Variants in CPEB1 observed in about 807,000 individuals in gnomAD.
CPEB1 encodes cytoplasmic polyadenylation element-binding protein 1.
In CPEB1, 7 loss-of-function variants were observed where a neutral mutation model predicts 65.8. That is an observed-to-expected ratio of 0.11 (90% CI 0.06 to 0.20). CPEB1 has a LOEUF of 0.20. Ranked by LOEUF, CPEB1 falls within the 10% of genes least tolerant of loss-of-function variation. The probability of loss-of-function intolerance (pLI) is 1.00; values close to 1 mark genes in which losing one functional copy is unlikely to be tolerated. For missense variants in CPEB1, 551 were observed against 712.2 expected (o/e 0.77, Z 2.58); for synonymous variants, 262 against 260.0 (o/e 1.01, Z -0.08).
chr15:82,634,061 G>T (rs1449498200), intron 1 of CPEB1, among the ~76,000 whole-genome samples: 1 of 152,028 alleles, frequency 6.6e-6, no homozygotes, highest in Admixed American at 6.5e-5. Context: ...ACTTTTAGTG[G>T]CAGATGTCCA....
intron 3 of CPEB1, among the ~76,000 whole-genome samples, chr15:82,595,309 C>T (rs557610146): frequency 1.3e-5 from 2 of 152,324 alleles, no homozygotes; most frequent in African/African-American, 4.8e-5. Flanking sequence ...TATGAACATT[C>T]GTTTTCATTT....
chr15:82,636,693 C>T (rs887887495), intron 1 of CPEB1, among the ~76,000 whole-genome samples: 3 of 152,136 alleles, frequency 2.0e-5, no homozygotes, highest in South Asian at 2.1e-4. Flanking sequence ...CTATAAAGGT[C>T]CCTCACAACC....
chr15:82,551,264 A>G lies in CPEB1; in HGVS notation c.1281+1216T>C, dbSNP rs147949584. ...AGGCATTTCTCCTCTTACCCTATAG[A>G]TTTTTTTAGAGAAGCTTTAAGGTTT... On this transcript the variant is annotated intron_variant, in intron 9 of 12. Transcript: ENST00000684509. Among the ~76,000 whole-genome samples, 267 of 152,204 alleles carry G rather than the reference A, an allele frequency of 1.8e-3. 2 individuals carry two copies. Among genetic ancestry groups the G allele is most frequent in the Non-Finnish European group, 2.5e-3 (171 of 68,002 alleles).
intron 2 of CPEB1, among the ~76,000 whole-genome samples, chr15:82,627,966 A>T (rs942660360): frequency 6.6e-6 from 1 of 152,166 alleles, no homozygotes; most frequent in Non-Finnish European, 1.5e-5. Flanking sequence ...GAATTCAACA[A>T]CAAAGAGGTA....
rs72751642 is a variant in CPEB1 at position 82,557,447 on chromosome 15, C to G, written c.687+313G>C. On this transcript the variant is annotated intron_variant, in intron 5 of 12. Transcript: ENST00000684509. ...AAAGCACCCCGTGTAGGTAAAGAAA[C>G]AGAACACTGCCAGGGCCCTCACGTT... The G allele has an allele frequency of 8.0e-3, 2,599 of 326,662 alleles. 24 individuals are homozygous for G. The highest frequency in any genetic ancestry group is 8.3e-3 in the Non-Finnish European group (1,502 of 180,648). The allele number at this position is 326,662 out of a possible 1,614,324, so 20.2% of individuals were successfully genotyped here.
chr15:82,557,601 C>G (rs2037449019), intron 5 of CPEB1, 159 bp downstream of exon 5: 4 of 632,430 alleles, frequency 6.3e-6, no homozygotes, highest in Non-Finnish European at 5.5e-6. Flanking sequence ...AGGATGAGAA[C>G]TCTACAAATG....
In CPEB1 at chr15:82,636,211, CTTTA is replaced by C. The variant is rs1289580816; in HGVS notation, c.-97-7659_-97-7656del. 5.3e-5 allele frequency among the ~76,000 whole-genome samples: 8 copies of C among 152,274 alleles called. No homozygotes were observed. In the East Asian group the frequency reaches 7.7e-4, roughly 15 times the overall value. On this transcript the variant is annotated intron_variant, in intron 1 of 12. Transcript: ENST00000684509. ...ATCAACCTTCTTGAAAATATATGAT[CTTTA>C]TTTAACTTCCTGTTCATCCTCTCAA...
chr15:82,554,086 T>C, intron 6 of CPEB1, 95 bp from the exon 7 acceptor site: 2 of 687,512 alleles, frequency 2.9e-6, no homozygotes, highest in African/African-American at 1.8e-5. Context: ...AGAACCTGAC[T>C]GGCCACAATC....
intron 1 of CPEB1, among the ~76,000 whole-genome samples, chr15:82,632,721 G>A (rs1030769858): frequency 2.6e-5 from 4 of 151,536 alleles, no homozygotes; most frequent in African/African-American, 9.7e-5. Context: ...CAGAGAAAAG[G>A]TCTCGCTATG....
intron 3 of CPEB1, among the ~76,000 whole-genome samples, chr15:82,587,338 C>T (rs2041883820): frequency 6.6e-6 from 1 of 152,186 alleles, no homozygotes; most frequent in Non-Finnish European, 1.5e-5. Flanking sequence ...AAGAATCTCT[C>T]TAAATACTCA....
chr15:82,572,596 G>T lies in CPEB1; in HGVS notation c.272-1064C>A, dbSNP rs546827943. 4.1e-4 allele frequency among the ~76,000 whole-genome samples: 63 copies of T among 152,272 alleles called. 1 individual carries two copies. Among genetic ancestry groups the T allele is most frequent in the Middle Eastern group, 6.8e-3 (2 of 294 alleles). On this transcript the variant is annotated intron_variant, in intron 3 of 12. Coordinates refer to ENST00000684509, the MANE Select transcript of CPEB1 (RefSeq NM_001365242.1). Reference sequence around the variant, plus strand: ...TCCTGCAACTGTAGGCACAGACTGAGGAAACACTCTCGAAGCAGCATCTGA... The same window carrying T: ...TCCTGCAACTGTAGGCACAGACTGATGAAACACTCTCGAAGCAGCATCTGA...
intron 3 of CPEB1, among the ~76,000 whole-genome samples, chr15:82,578,440 A>G (rs2040895866): frequency 6.6e-6 from 1 of 152,178 alleles, no homozygotes. Flanking sequence ...GCACAAACCT[A>G]TGGAAACAAA....
At chr15:82,585,913 T>C (rs909481295) in intron 3 of CPEB1, among the ~76,000 whole-genome samples, 2 of 151,560 alleles carry the variant, frequency 1.3e-5, no homozygotes, top group African/African-American at 4.9e-5. Flanking sequence ...CACTACTTAA[T>C]AAATGAGAAT....
Position 82,584,258 on chromosome 15 carries a change from C to CAAA in CPEB1, c.272-12729_272-12727dup, listed in dbSNP as rs71156038. 5.7e-3 allele frequency among the ~76,000 whole-genome samples: 303 copies of CAAA among 53,244 alleles called. 9 individuals are homozygous for CAAA. Among genetic ancestry groups the CAAA allele is most frequent in the Middle Eastern group, 0.023 (1 of 44 alleles). The allele number at this position is 53,244 out of a possible 152,430, so 34.9% of individuals were successfully genotyped here. ...TGGGTGACACAGCGAGACTCCGTCT[C>CAAA]AAAAAAAAAAAAAAAAAAAAAAAAA... On this transcript the variant is annotated intron_variant, in intron 3 of 12. Transcript: ENST00000684509.
upstream of CPEB1, chr15:82,647,872 G>A (rs902645099): frequency 2.4e-6 from 3 of 1,263,148 alleles, no homozygotes; most frequent in Non-Finnish European, 3.0e-6. Flanking sequence ...GAACGCCATG[G>A]GGCCGGTGTG....
At chr15:82,590,714 CTTT>C (rs888319492) in intron 3 of CPEB1, among the ~76,000 whole-genome samples, 7 of 152,240 alleles carry the variant, frequency 4.6e-5, no homozygotes, top group African/African-American at 1.4e-4. Flanking sequence ...TTGTTCCCTT[CTTT>C]GTGTCCATAT....
rs914154016 is a variant in CPEB1 at position 82,571,840 on chromosome 15, A to C, written c.272-308T>G. ...CAGCCGGCTGAGCCGTGCAATAGAG[A>C]GCGGCATCATCCCTCACAGAACGGG... On this transcript the variant is annotated intron_variant, in intron 3 of 12. Transcript: ENST00000684509. 3 of 1,143,876 alleles carry C rather than the reference A, an allele frequency of 2.6e-6. No individual in the cohort carries two copies. In the African/African-American group the frequency reaches 4.8e-5, roughly 18 times the overall value. 70.9% of individuals were successfully genotyped at this position (1,143,876 alleles called of 1,614,324 possible).
intron 8 of CPEB1, 135 bp from the exon 9 acceptor site, chr15:82,552,751 A>G (rs955713226): frequency 4.3e-6 from 4 of 937,606 alleles, no homozygotes; most frequent in African/African-American, 1.7e-5. Flanking sequence ...ACTCCTGAAA[A>G]GTCGTGTTGA....
chr15:82,600,791 T>C (rs775185595), intron 3 of CPEB1, among the ~76,000 whole-genome samples: 8 of 151,754 alleles, frequency 5.3e-5, no homozygotes, highest in East Asian at 1.9e-4. Flanking sequence ...GTAAAGATGA[T>C]AGGTTTAAGC....
Sources: allele counts gnomAD v4.1 joint callset (sites outside exome capture counted in the v4.1 genomes callset), GRCh38; gene constraint gnomAD v4.1.1; transcripts MANE v1.5; gene names NCBI Gene and HGNC (gene_info 2026-07-23, HGNC 2026-07-21).